The following PDZD2 variants were observed in gnomAD, a reference collection of about 807,000 sequenced individuals.
PDZD2 encodes PDZ domain containing 2, also known as PDZ domain-containing protein 2.
Under a neutral mutation model 220.7 loss-of-function variants are expected in PDZD2, and 90 were observed. The observed-to-expected ratio is 0.41, with a 90% CI of 0.34 to 0.49. PDZD2 has a LOEUF of 0.49. Among genes scored for constraint, PDZD2 ranks in the 20% least tolerant of loss-of-function variants. The pLI is 0.28. For synonymous variants in PDZD2, 1,375 were observed against 1,450.5 expected, an observed-to-expected ratio of 0.95 and a Z score of 1.18; for missense variants, 3,174 against 3,608.5, an observed-to-expected ratio of 0.88 and a Z score of 3.08.
intron 1 of PDZD2, among the ~76,000 whole-genome samples, chr5:31,710,726 G>T (rs1391706302): frequency 6.6e-6 from 1 of 151,808 alleles, no homozygotes; most frequent in Non-Finnish European, 1.5e-5. Flanking sequence ...TGAGGCAGGA[G>T]AATCGCTTGA....
rs1743996751 is a variant in PDZD2, at chr5:32,098,974, C to G, written c.8218+340C>G. Among the ~76,000 whole-genome samples, 1 of 152,144 alleles carries G rather than the reference C, an allele frequency of 6.6e-6. No individual in the cohort carries two copies. Among genetic ancestry groups the G allele is most frequent in the South Asian group, 2.1e-4 (1 of 4,826 alleles). On this transcript the variant is annotated intron_variant, in intron 23 of 24. Transcript: ENST00000438447. The surrounding 1 kb of genome is among the most constrained non-coding windows in gnomAD (Gnocchi z 4.1). ...GAAAACAGGAAACTACGTGACGGGGCGAGCAGTGTTGAAGGAGAAATTCCA... is the reference window on the plus strand; with the variant it reads ...GAAAACAGGAAACTACGTGACGGGGGGAGCAGTGTTGAAGGAGAAATTCCA...
At chr5:31,849,933 CACATATATATATATACATATATATATAT>C (rs1757862007) in intron 2 of PDZD2, among the ~76,000 whole-genome samples, 2 of 12,480 alleles carry the variant, frequency 1.6e-4, no homozygotes, top group South Asian at 2.7e-3. Flanking sequence ...TATATATATA[CACATATATATATATACATATATATATAT>C]ACACATATAT....
intron 2 of PDZD2, among the ~76,000 whole-genome samples, chr5:31,913,699 A>G (rs1434480042): frequency 2.0e-5 from 3 of 152,190 alleles, no homozygotes; most frequent in South Asian, 2.1e-4. Flanking sequence ...TAAGCAGGTC[A>G]AAGTTGAAGG....
At chr5:31,983,759 C>T (rs927876484) in intron 3 of PDZD2, 103 bp downstream of exon 3, 1 of 1,167,836 alleles carries the variant, frequency 8.6e-7, no homozygotes, top group Admixed American at 2.3e-5. Flanking sequence ...GGCTCAGAAC[C>T]AGAATTTTGA....
chr5:32,042,711 T>C (rs142776401), intron 7 of PDZD2, among the ~76,000 whole-genome samples: 21 of 152,120 alleles, frequency 1.4e-4, no homozygotes, highest in Admixed American at 1.1e-3. Flanking sequence ...GACCAGAGGC[T>C]GAAAAGGAGA....
At chr5:31,743,490 C>A (rs1287651792) in intron 1 of PDZD2, among the ~76,000 whole-genome samples, 2 of 152,082 alleles carry the variant, frequency 1.3e-5, no homozygotes, top group Non-Finnish European at 2.9e-5. Context: ...CTTGTATTTT[C>A]TTTTCTGGTA....
intron 4 of PDZD2, among the ~76,000 whole-genome samples, chr5:31,998,446 A>G (rs187565745): frequency 6.6e-6 from 1 of 152,356 alleles, no homozygotes; most frequent in East Asian, 1.9e-4. Context: ...AGGAGACAGA[A>G]AGTGAGAGAA....
At chr5:31,846,889 C>T (rs1200406292) in intron 2 of PDZD2, among the ~76,000 whole-genome samples, 3 of 152,174 alleles carry the variant, frequency 2.0e-5, no homozygotes, top group Admixed American at 2.0e-4. Flanking sequence ...TTATGCCCCT[C>T]TCTGTTTACA....
intron 24 of PDZD2, among the ~76,000 whole-genome samples, chr5:32,105,771 CTA>C (rs1744704666): frequency 1.3e-5 from 2 of 152,186 alleles, no homozygotes; most frequent in African/African-American, 2.4e-5. Context: ...TTTAAAAAAT[CTA>C]TGAGTAAATG....
intron 2 of PDZD2, among the ~76,000 whole-genome samples, chr5:31,812,462 CT>C (rs887360347): frequency 2.8e-4 from 42 of 149,650 alleles, no homozygotes; most frequent in Non-Finnish European, 4.9e-4. Flanking sequence ...ATACAACCCT[CT>C]TTTTTTTTTC....
intron 2 of PDZD2, among the ~76,000 whole-genome samples, chr5:31,864,168 T>A (rs1737981107): frequency 6.6e-6 from 1 of 152,186 alleles, no homozygotes; most frequent in African/African-American, 2.4e-5. Context: ...CTTGCTGGGC[T>A]TCTGACGATG....
chr5:32,003,190 C>T (rs1752440914), intron 5 of PDZD2, among the ~76,000 whole-genome samples: 1 of 110,200 alleles, frequency 9.1e-6, no homozygotes, highest in African/African-American at 3.5e-5. Context: ...ACCACACACA[C>T]ACTACACACA....
chr5:31,802,856 C>G (rs1418824872), intron 2 of PDZD2, among the ~76,000 whole-genome samples: 1 of 138,680 alleles, frequency 7.2e-6, no homozygotes, highest in Admixed American at 7.9e-5. Flanking sequence ...GGAGGCGGAG[C>G]TTGCAGTGAG....
intron 2 of PDZD2, among the ~76,000 whole-genome samples, chr5:31,923,017 G>A (rs901829327): frequency 6.6e-6 from 1 of 151,826 alleles, no homozygotes; most frequent in Non-Finnish European, 1.5e-5. Flanking sequence ...TGCAGGCCGG[G>A]CGTGGTGGCT....
At chr5:31,692,398 A>C (rs1456115451) in intron 1 of PDZD2, among the ~76,000 whole-genome samples, 1 of 152,216 alleles carries the variant, frequency 6.6e-6, no homozygotes, top group Non-Finnish European at 1.5e-5. Flanking sequence ...TGGCCAGCCC[A>C]GAAAGGGGCT....
chr5:31,801,026 T>C (rs1754361503), intron 2 of PDZD2, among the ~76,000 whole-genome samples: 1 of 152,122 alleles, frequency 6.6e-6, no homozygotes, highest in African/African-American at 2.4e-5. Flanking sequence ...GTCCATTGAT[T>C]TGTCTATATG....
At chr5:31,758,376 G>A (rs1220034791) in intron 1 of PDZD2, among the ~76,000 whole-genome samples, 2 of 152,332 alleles carry the variant, frequency 1.3e-5, no homozygotes, top group Middle Eastern at 3.4e-3. Context: ...GGCCAGGGAG[G>A]TGCCTCCATG....
At chr5:31,987,960 G>A (rs1365450636) in intron 3 of PDZD2, among the ~76,000 whole-genome samples, 1 of 152,154 alleles carries the variant, frequency 6.6e-6, no homozygotes, top group African/African-American at 2.4e-5. Context: ...AAATCCTGCA[G>A]CTCAACCTGC....
intron 2 of PDZD2, among the ~76,000 whole-genome samples, chr5:31,819,674 G>C (rs796880368): frequency 1.2e-5 from 1 of 84,798 alleles, no homozygotes; most frequent in Non-Finnish European, 2.6e-5. Context: ...AAAAAAAAAA[G>C]AATTCTGCAA....
Sources: gnomAD v4.1 joint callset for allele counts (sites outside exome capture counted in the v4.1 genomes callset) on GRCh38, gnomAD v4.1.1 for gene constraint, Gnocchi (gnomAD v3.1) non-coding constraint, MANE v1.5 for transcripts, NCBI Gene and HGNC (gene_info 2026-07-23, HGNC 2026-07-21) for gene names.